Variants in ERGIC1 observed in about 807,000 individuals in gnomAD.
ERGIC1 encodes the protein endoplasmic reticulum-golgi intermediate compartment 1.
In ERGIC1, 19 loss-of-function variants were observed where a neutral mutation model predicts 38.3. That is an observed-to-expected ratio of 0.50 (90% CI 0.35 to 0.73). The LOEUF is 0.73. Ranked by LOEUF, ERGIC1 falls within the 30% of genes least tolerant of loss-of-function variation. ERGIC1 has a pLI of 0.01. For missense variants in ERGIC1, 294 were observed against 389.2 expected (o/e 0.76, Z 2.06); for synonymous variants, 124 against 157.6 (o/e 0.79, Z 1.60).
At chr5:172,907,106 C>T (rs1169427034) in intron 3 of ERGIC1, among the ~76,000 whole-genome samples, 1 of 152,220 alleles carries the variant, frequency 6.6e-6, no homozygotes, top group African/African-American at 2.4e-5. Context: ...TCCTACAGCC[C>T]TCCTCCTCTC....
chr5:172,893,102 C>T (rs1166360054), intron 2 of ERGIC1, among the ~76,000 whole-genome samples: 1 of 152,182 alleles, frequency 6.6e-6, no homozygotes, highest in Non-Finnish European at 1.5e-5. Flanking sequence ...AGCTAGGAGA[C>T]CTGAACCCAT....
chr5:172,915,117 C>G, intron 5 of ERGIC1: 2 of 695,004 alleles, frequency 2.9e-6, no homozygotes, highest in Non-Finnish European at 5.3e-6. Flanking sequence ...TTTGCAGCCC[C>G]CAGCCCTGGG....
chr5:172,938,526 G>A (rs1296851948), intron 9 of ERGIC1, among the ~76,000 whole-genome samples: 1 of 151,594 alleles, frequency 6.6e-6, no homozygotes, highest in African/African-American at 2.4e-5. Flanking sequence ...GCCGAGGCGG[G>A]GGATCACTTG....
chr5:172,834,588 CCT>C lies in ERGIC1; in HGVS notation c.20+156_20+157del, dbSNP rs1197220889. Among the ~76,000 whole-genome samples the C allele has an allele frequency of 1.8e-4, 24 of 134,358 alleles. No individual in the cohort carries two copies. The highest frequency in any genetic ancestry group is 2.1e-4 in the Non-Finnish European group (13 of 61,390). 88.1% of individuals were successfully genotyped at this position (134,358 alleles called of 152,430 possible). ...CTAGGGACCCCAGGCGAGCCCCCCC[CCT>C]GCCGCACACGAAGCCAGCCAGAGCC... On this transcript the variant is annotated intron_variant, in intron 1 of 9. Coordinates refer to ENST00000393784, the MANE Select transcript of ERGIC1 (RefSeq NM_001031711.3). The surrounding 1 kb of genome is among the most constrained non-coding windows in gnomAD (Gnocchi z 4.1).
intron 1 of ERGIC1, among the ~76,000 whole-genome samples, chr5:172,856,074 G>T (rs1162262003): frequency 6.6e-6 from 1 of 152,236 alleles, no homozygotes; most frequent in Non-Finnish European, 1.5e-5. Context: ...GTGACTCAGT[G>T]TATGGTCTCT....
chr5:172,949,619 G>A (rs1258518139), intron 9 of ERGIC1, among the ~76,000 whole-genome samples: 1 of 150,468 alleles, frequency 6.6e-6, no homozygotes, highest in Non-Finnish European at 1.5e-5. Flanking sequence ...GGGACATTTG[G>A]CAATGTTTGG....
chr5:172,935,689 AT>A (rs139755814), intron 9 of ERGIC1: 34 of 175,220 alleles, frequency 1.9e-4, no homozygotes, highest in East Asian at 5.9e-4. Flanking sequence ...GATTGAACTC[AT>A]TTTTTTTTCC....
At chr5:172,848,171 A>G (rs1761324141) in intron 1 of ERGIC1, among the ~76,000 whole-genome samples, 1 of 152,216 alleles carries the variant, frequency 6.6e-6, no homozygotes. Flanking sequence ...CCAGGGAAGT[A>G]GGGTTCATTC....
At chr5:172,949,031 T>C (rs1764177512) in intron 9 of ERGIC1, among the ~76,000 whole-genome samples, 1 of 152,198 alleles carries the variant, frequency 6.6e-6, no homozygotes, top group South Asian at 2.1e-4. Context: ...GCAGCCTGGG[T>C]GACAGAGTGA....
intron 4 of ERGIC1, among the ~76,000 whole-genome samples, chr5:172,912,847 C>T (rs1302712824): frequency 6.6e-6 from 1 of 151,706 alleles, no homozygotes; most frequent in Non-Finnish European, 1.5e-5. Context: ...CAGCTCACTG[C>T]AACCTCCACC....
chr5:172,921,876 T>C (rs1034773452), intron 5 of ERGIC1, among the ~76,000 whole-genome samples: 2 of 152,258 alleles, frequency 1.3e-5, no homozygotes, highest in Non-Finnish European at 2.9e-5. Flanking sequence ...CAGACTCATC[T>C]TCAGAGCCTT....
intron 5 of ERGIC1, among the ~76,000 whole-genome samples, chr5:172,919,909 G>C (rs550313946): frequency 5.3e-5 from 8 of 152,170 alleles, no homozygotes; most frequent in African/African-American, 1.7e-4. Flanking sequence ...TGGCTGCCAC[G>C]TACTAGGTTC....
At chr5:172,930,428 C>T (rs1200943345) in intron 7 of ERGIC1, among the ~76,000 whole-genome samples, 1 of 151,656 alleles carries the variant, frequency 6.6e-6, no homozygotes, top group African/African-American at 2.4e-5. Flanking sequence ...CTGCAACCTC[C>T]ACCTCCCGGG....
At chr5:172,905,953 C>A in intron 3 of ERGIC1, 1 of 403,760 alleles carries the variant, frequency 2.5e-6, no homozygotes, top group Non-Finnish European at 4.9e-6. Context: ...CAGTGAGCTC[C>A]CTTTACTACC....
rs374004118 is a variant in ERGIC1, at chr5:172,858,968, G to A, written c.20+24535G>A. 8.5e-5 allele frequency among the ~76,000 whole-genome samples: 13 copies of A among 152,356 alleles called. No homozygotes were observed. The South Asian group carries it at 2.7e-3, about 32-fold the overall frequency. ...AAAAGCTACAAGGCCTGTGGCTGGG[G>A]GAGCTGTGCTGAGGACGTGATTTTG... On this transcript the variant is annotated intron_variant, in intron 1 of 9. Transcript: ENST00000393784.
rs375470504 is a variant in ERGIC1 at position 172,926,611 on chromosome 5, C to G, written c.541+42C>G. 1.2e-6 allele frequency: 2 copies of G among 1,604,712 alleles called. No homozygotes were observed. Among genetic ancestry groups the G allele is most frequent in the East Asian group, 4.5e-5 (2 of 44,864 alleles). ...GGAACAGCCTTCTGCTCCAAGATGC[C>G]CAGTACAGCAGGCAGGGAGGGGGAG... On this transcript the variant is annotated intron_variant, in intron 7 of 9. Transcript: ENST00000393784. This position sits in a 1 kb window ranked among gnomAD's most constrained non-coding sequence, Gnocchi z 5.2.
chr5:172,937,361 G>A (rs1295920897), intron 9 of ERGIC1: 1 of 152,236 alleles, frequency 6.6e-6, no homozygotes, highest in Non-Finnish European at 1.5e-5. Flanking sequence ...GGAGGGATGG[G>A]ATTTAAAACA....
chr5:172,876,145 G>A (rs1049254221), intron 1 of ERGIC1, among the ~76,000 whole-genome samples: 14 of 152,278 alleles, frequency 9.2e-5, no homozygotes, highest in African/African-American at 2.9e-4. Flanking sequence ...CAGGCAGATG[G>A]ATCACTGCGT....
intron 1 of ERGIC1, among the ~76,000 whole-genome samples, chr5:172,865,207 A>G (rs1761823880): frequency 6.6e-6 from 1 of 152,182 alleles, no homozygotes; most frequent in East Asian, 1.9e-4. Flanking sequence ...GGCGCCCGCC[A>G]CTATGCCTGG....
Sources: gnomAD v4.1 joint callset for allele counts (sites outside exome capture counted in the v4.1 genomes callset) on GRCh38, gnomAD v4.1.1 for gene constraint, Gnocchi (gnomAD v3.1) non-coding constraint, MANE v1.5 for transcripts, NCBI Gene and HGNC (gene_info 2026-07-23, HGNC 2026-07-21) for gene names.